ANK3: variants seen among roughly 807,000 people sequenced by gnomAD.
ANK3 encodes ankyrin 3, also known as ankyrin-3.
In ANK3, 57 loss-of-function variants were observed where a neutral mutation model predicts 370.9. The ratio of observed to expected loss-of-function variants is 0.15; its 90% CI spans 0.12 to 0.19. The LOEUF is 0.19. Ranked by LOEUF, ANK3 falls within the 10% of genes least tolerant of loss-of-function variation. The pLI, the probability that ANK3 is intolerant of heterozygous loss-of-function variation, is 1.00. For missense variants in ANK3, 4,439 were observed against 5,302.1 expected, an observed-to-expected ratio of 0.84 and a Z score of 5.06; for synonymous variants, 1,929 against 1,946.3, an observed-to-expected ratio of 0.99 and a Z score of 0.23.
At chr10:60,385,184 G>T (rs184777183) in intron 1 of ANK3, among the ~76,000 whole-genome samples, 1 of 152,028 alleles carries the variant, frequency 6.6e-6, no homozygotes, top group East Asian at 1.9e-4. Flanking sequence ...CTTACTTTTC[G>T]TGCCACACAC....
chr10:60,056,681 C>A (rs2079234102), intron 41 of ANK3, among the ~76,000 whole-genome samples: 1 of 152,096 alleles, frequency 6.6e-6, no homozygotes, highest in Non-Finnish European at 1.5e-5. Flanking sequence ...CCAAGCCCAC[C>A]AATCTTAAAG....
chr10:60,419,346 T>A (rs1158828767), intron 2 of ANK3, among the ~76,000 whole-genome samples: 1 of 152,122 alleles, frequency 6.6e-6, no homozygotes. Flanking sequence ...CAGAGGCCCC[T>A]GCTCCTACTC....
chr10:60,657,843 T>C (rs1564501850), intron 1 of ANK3, among the ~76,000 whole-genome samples: 1 of 151,970 alleles, frequency 6.6e-6, no homozygotes, highest in Non-Finnish European at 1.5e-5. Context: ...TATATGATTA[T>C]ATCTATTTAT....
At position 60,055,737 on chromosome 10, in the gene ANK3, A is replaced by G. The variant is rs2079050417; in HGVS notation, c.12986T>C (p.Met4329Thr). The G allele has an allele frequency of 6.2e-7, 1 of 1,614,134 alleles. No individual in the cohort carries two copies. The highest frequency in any genetic ancestry group is 1.3e-5 in the African/African-American group (1 of 75,042). ...KPCVPVSMKK[M>T]SRTSPADGKP... ...GCCATCTGCTGGAGAAGTCCTACTC[A>G]TCTTTTTCATACTGACAGGCACACA... Residue 4329 changes from methionine (M) to threonine (T), a missense_variant, in exon 42 of 44, where the codon ATG (methionine) becomes ACG (threonine). Around this residue, in one of 13 missense-constraint regions of ANK3, gnomAD observed 242 missense variants for 228.0 expected, o/e 1.06. Transcript: ENST00000280772.
intron 1 of ANK3, among the ~76,000 whole-genome samples, chr10:60,302,295 A>C (rs1566405962): frequency 6.6e-6 from 1 of 152,190 alleles, no homozygotes; most frequent in Non-Finnish European, 1.5e-5. Flanking sequence ...TAATGTCACA[A>C]TAATGTAGAT....
intron 28 of ANK3, among the ~76,000 whole-genome samples, chr10:60,090,920 T>A (rs1263783167): frequency 1.3e-5 from 2 of 152,260 alleles, no homozygotes; most frequent in Non-Finnish European, 2.9e-5. Context: ...TGACATCTTT[T>A]TTTTTTTGAG....
chr10:60,338,707 T>G (rs963888744), intron 1 of ANK3, among the ~76,000 whole-genome samples: 1 of 152,170 alleles, frequency 6.6e-6, no homozygotes, highest in Non-Finnish European at 1.5e-5. Flanking sequence ...TTCTCCCCTT[T>G]GATAAAACTG....
At chr10:60,464,812 GAA>G (rs756695768) in intron 2 of ANK3, among the ~76,000 whole-genome samples, 2 of 152,092 alleles carry the variant, frequency 1.3e-5, no homozygotes, top group Non-Finnish European at 2.9e-5. Context: ...TTAAAAATGC[GAA>G]GTCACCCTAA....
chr10:60,214,574 AT>A lies in ANK3; in HGVS notation c.898-1065del, dbSNP rs575410245. On this transcript the variant is annotated intron_variant, in intron 8 of 43. Coordinates refer to ENST00000280772, the MANE Select transcript of ANK3 (RefSeq NM_020987.5). ...CCTCTCTCTATGTCCATGTGTTCTC[AT>A]TGTTCATCTCCCACTTATGAGTGAG... Among the ~76,000 whole-genome samples the A allele has an allele frequency of 2.4e-3, 362 of 152,078 alleles. 1 individual carries two copies. Among genetic ancestry groups the A allele is most frequent in the African/African-American group, 8.4e-3 (350 of 41,488 alleles).
At chr10:60,167,901 A>C (rs1162108672) in intron 21 of ANK3, among the ~76,000 whole-genome samples, 1 of 152,168 alleles carries the variant, frequency 6.6e-6, no homozygotes, top group Admixed American at 6.5e-5. Flanking sequence ...ACTGCAATGG[A>C]GCAGTTTTAA....
At chr10:60,485,338 A>G (rs1168953909) in intron 2 of ANK3, among the ~76,000 whole-genome samples, 1 of 152,182 alleles carries the variant, frequency 6.6e-6, no homozygotes, top group East Asian at 1.9e-4. Context: ...AGTCCTACTG[A>G]TGGAACAGCA....
intron 1 of ANK3, among the ~76,000 whole-genome samples, chr10:60,360,992 T>C (rs2058514443): frequency 6.6e-6 from 1 of 152,164 alleles, no homozygotes; most frequent in Non-Finnish European, 1.5e-5. Flanking sequence ...TAAATTATTA[T>C]TAAAAACAAT....
chr10:60,626,920 T>G (rs558757996), intron 1 of ANK3, among the ~76,000 whole-genome samples: 1 of 151,748 alleles, frequency 6.6e-6, no homozygotes, highest in East Asian at 1.9e-4. Flanking sequence ...AACAGAATGG[T>G]TTTCGAGAAA....
intron 2 of ANK3, among the ~76,000 whole-genome samples, chr10:60,436,268 C>T (rs1337574603): frequency 1.3e-5 from 2 of 152,180 alleles, no homozygotes; most frequent in Non-Finnish European, 2.9e-5. Context: ...AACAATGCTG[C>T]TATGAACATT....
intron 1 of ANK3, among the ~76,000 whole-genome samples, chr10:60,634,649 C>T (rs992892445): frequency 7.2e-5 from 11 of 152,078 alleles, no homozygotes; most frequent in African/African-American, 4.8e-5. Context: ...TCCCCTTCAA[C>T]GCTGTGGAAG....
chr10:60,349,468 T>G (rs186911650), intron 1 of ANK3, among the ~76,000 whole-genome samples: 7 of 152,124 alleles, frequency 4.6e-5, no homozygotes, highest in African/African-American at 1.7e-4. Flanking sequence ...AACTGCTTAG[T>G]AAACAAATCC....
chr10:60,456,573 A>G (rs1020456303), intron 2 of ANK3, among the ~76,000 whole-genome samples: 1 of 152,128 alleles, frequency 6.6e-6, no homozygotes. Context: ...GCAACTGCCA[A>G]TTGGAATTTT....
intron 1 of ANK3, among the ~76,000 whole-genome samples, chr10:60,707,476 C>G (rs957904377): frequency 2.0e-5 from 3 of 151,966 alleles, no homozygotes; most frequent in Admixed American, 2.0e-4. Flanking sequence ...AGAGAAAACA[C>G]TATAATAATT....
chr10:60,251,865 G>T (rs1312294589), intron 7 of ANK3, among the ~76,000 whole-genome samples: 3 of 152,192 alleles, frequency 2.0e-5, no homozygotes, highest in Non-Finnish European at 4.4e-5. Context: ...TACAGCCCAG[G>T]CTGGTATTCA....
Sources: allele counts gnomAD v4.1 joint callset (sites outside exome capture counted in the v4.1 genomes callset), GRCh38; gene constraint gnomAD v4.1.1; regional missense constraint gnomAD v4.1.1; transcripts MANE v1.5; gene names NCBI Gene and HGNC (gene_info 2026-07-23, HGNC 2026-07-21).